The following ZNF385D variants were observed in gnomAD, a reference collection of about 807,000 sequenced individuals.
ZNF385D encodes the protein zinc finger protein 385D.
Under a neutral mutation model 35.8 loss-of-function variants are expected in ZNF385D, and 15 were observed. The ratio of observed to expected loss-of-function variants is 0.42; its 90% CI spans 0.28 to 0.64. ZNF385D has a LOEUF of 0.64. Ranked by LOEUF, ZNF385D falls within the 30% of genes least tolerant of loss-of-function variation. The probability of loss-of-function intolerance (pLI) is 0.23; values close to 1 mark genes in which losing one functional copy is unlikely to be tolerated. For missense variants in ZNF385D, 474 were observed against 494.6 expected (o/e 0.96, Z 0.39); for synonymous variants, 212 against 186.8 (o/e 1.13, Z -1.10).
At chr3:21,755,171 G>A (rs938714901), upstream of ZNF385D, among the ~76,000 whole-genome samples, 1 of 152,108 alleles carries the variant, frequency 6.6e-6, no homozygotes, top group Admixed American at 6.6e-5. Context: ...CTCGCCCTTG[G>A]CTTTAGTTTA....
chr3:21,791,290 C>A (rs1160641185), intron 3 of ZNF385D, among the ~76,000 whole-genome samples: 1 of 152,056 alleles, frequency 6.6e-6, no homozygotes, highest in Non-Finnish European at 1.5e-5. Flanking sequence ...TTTTTAACAA[C>A]AACAATAACC....
At chr3:22,212,655 G>A (rs550653689) in intron 2 of ZNF385D, among the ~76,000 whole-genome samples, 22 of 152,004 alleles carry the variant, frequency 1.4e-4, no homozygotes, top group Non-Finnish European at 2.9e-4. Context: ...CCAATATAAA[G>A]ATGATTTAGG....
chr3:21,916,488 GAAC>G (rs1293529332), intron 3 of ZNF385D, among the ~76,000 whole-genome samples: 1 of 152,004 alleles, frequency 6.6e-6, no homozygotes, highest in African/African-American at 2.4e-5. Context: ...TAAGCAAAAA[GAAC>G]AACAAAAATC....
At chr3:21,711,391 T>C (rs2068103608) in intron 1 of ZNF385D, among the ~76,000 whole-genome samples, 1 of 152,176 alleles carries the variant, frequency 6.6e-6, no homozygotes, top group South Asian at 2.1e-4. Flanking sequence ...CCTAAATTGA[T>C]TTCAAAATTT....
intron 4 of ZNF385D, chr3:21,443,076 G>C (rs887509623): frequency 1.5e-5 from 14 of 934,360 alleles, no homozygotes; most frequent in Non-Finnish European, 1.5e-5. Context: ...TGCTAGAGTG[G>C]TATAGCTGTA....
chr3:22,303,890 G>A (rs1471773852), intron 2 of ZNF385D, among the ~76,000 whole-genome samples: 1 of 152,034 alleles, frequency 6.6e-6, no homozygotes, highest in African/African-American at 2.4e-5. Flanking sequence ...CGATTCTTCT[G>A]CTTCAGCCTC....
At chr3:21,521,783 A>C (rs924821084) in intron 3 of ZNF385D, among the ~76,000 whole-genome samples, 1 of 152,216 alleles carries the variant, frequency 6.6e-6, no homozygotes, top group Admixed American at 6.5e-5. Flanking sequence ...CTATAAAAAA[A>C]TACCATAGGC....
At chr3:21,692,478 G>A (rs1051623601) in intron 1 of ZNF385D, among the ~76,000 whole-genome samples, 3 of 152,094 alleles carry the variant, frequency 2.0e-5, no homozygotes, top group Admixed American at 2.0e-4. Context: ...AGTTTGGATT[G>A]CTTCCCAAAC....
chr3:22,128,659 C>T (rs1049812569), intron 3 of ZNF385D, among the ~76,000 whole-genome samples: 7 of 152,104 alleles, frequency 4.6e-5, no homozygotes, highest in African/African-American at 1.7e-4. Flanking sequence ...TGTTGAGAGA[C>T]TCTGTTGCAT....
intron 2 of ZNF385D, among the ~76,000 whole-genome samples, chr3:21,642,496 C>T (rs1464020484): frequency 6.6e-6 from 1 of 151,986 alleles, no homozygotes; most frequent in Admixed American, 6.6e-5. Flanking sequence ...CATAGCATGA[C>T]ATAACGTATC....
chr3:21,980,124 T>C (rs1679780765), intron 3 of ZNF385D, among the ~76,000 whole-genome samples: 2 of 152,178 alleles, frequency 1.3e-5, no homozygotes, highest in South Asian at 4.1e-4. Context: ...TAAAGCAGCC[T>C]TATAGAGAGG....
intron 1 of ZNF385D, among the ~76,000 whole-genome samples, chr3:21,735,170 G>C (rs1400276634): frequency 6.6e-6 from 1 of 152,134 alleles, no homozygotes; most frequent in Non-Finnish European, 1.5e-5. Flanking sequence ...TCACCTTCTT[G>C]TTCCTCCACA....
chr3:22,299,398 A>G (rs1485475865), intron 2 of ZNF385D, among the ~76,000 whole-genome samples: 4 of 152,026 alleles, frequency 2.6e-5, no homozygotes, highest in Admixed American at 2.6e-4. Context: ...CTACCAAAAG[A>G]AAGATTATAC....
intron 3 of ZNF385D, among the ~76,000 whole-genome samples, chr3:21,766,756 G>T (rs2070847440): frequency 6.6e-6 from 1 of 152,012 alleles, no homozygotes; most frequent in Admixed American, 6.6e-5. Context: ...GAGAATAAGA[G>T]GATATAATTA....
chr3:21,616,055 A>T (rs1206943607), intron 2 of ZNF385D, among the ~76,000 whole-genome samples: 1 of 152,156 alleles, frequency 6.6e-6, no homozygotes, highest in African/African-American at 2.4e-5. Context: ...AGTTTGTTCA[A>T]TTTAAATAAG....
At chr3:21,870,368 G>A (rs1274341098) in intron 3 of ZNF385D, among the ~76,000 whole-genome samples, 1 of 152,126 alleles carries the variant, frequency 6.6e-6, no homozygotes, top group African/African-American at 2.4e-5. Context: ...CCTAGCTGTG[G>A]TTTCACCATA....
chr3:21,826,284 C>T (rs946525416), intron 3 of ZNF385D, among the ~76,000 whole-genome samples: 4 of 152,144 alleles, frequency 2.6e-5, no homozygotes, highest in Admixed American at 6.5e-5. Flanking sequence ...GAGAGAACAA[C>T]GTTTACCGCA....
In ZNF385D at chr3:22,004,618, G is replaced by C. The variant is rs907577813; in HGVS notation, c.325+164199C>G. The stretch of plus-strand genomic sequence containing the variant: ...CATTCTATTCCTAGAAATGATAGCT[G>C]TAAAGATAAAAATGTTACATACCTC... On this transcript the variant is annotated intron_variant, in intron 3 of 5. Transcript: ENST00000494108. Among the ~76,000 whole-genome samples the C allele has an allele frequency of 3.3e-5, 5 of 152,104 alleles. No individual in the cohort carries two copies. In the South Asian group the frequency reaches 8.3e-4, roughly 25 times the overall value.
intron 4 of ZNF385D, among the ~76,000 whole-genome samples, chr3:21,474,816 A>G (rs1040721484): frequency 4.6e-5 from 7 of 152,120 alleles, no homozygotes; most frequent in East Asian, 1.9e-4. Context: ...CAAATTATAC[A>G]TAAGTGATAA....
Sources: gnomAD v4.1 joint callset for allele counts (sites outside exome capture counted in the v4.1 genomes callset) on GRCh38, gnomAD v4.1.1 for gene constraint, MANE v1.5 for transcripts, NCBI Gene and HGNC (gene_info 2026-07-23, HGNC 2026-07-21) for gene names.